RBMS3: variants seen among roughly 807,000 people sequenced by gnomAD.
The protein encoded by RBMS3 is RNA binding motif single stranded interacting protein 3, also known as RNA-binding motif, single-stranded-interacting protein 3.
In RBMS3, 27 loss-of-function variants were observed where a neutral mutation model predicts 66.8. The observed-to-expected ratio is 0.40, with a 90% confidence interval of 0.30 to 0.56. The LOEUF (loss-of-function observed/expected upper bound fraction) is 0.56. Ranked by LOEUF, RBMS3 falls within the 20% of genes least tolerant of loss-of-function variation. RBMS3 has a pLI of 0.40. For missense variants in RBMS3, 513 were observed against 549.5 expected, an observed-to-expected ratio of 0.93 and a Z score of 0.66; for synonymous variants, 188 against 183.0, an observed-to-expected ratio of 1.03 and a Z score of -0.22.
At chr3:29,455,122 G>T (rs1201465434) in intron 2 of RBMS3, among the ~76,000 whole-genome samples, 5 of 152,018 alleles carry the variant, frequency 3.3e-5, no homozygotes, top group African/African-American at 1.2e-4. Flanking sequence ...TCTACATTTT[G>T]TCTCCAATTT....
chr3:29,456,331 T>G (rs1366845870), intron 2 of RBMS3, among the ~76,000 whole-genome samples: 2 of 152,336 alleles, frequency 1.3e-5, no homozygotes, highest in East Asian at 1.9e-4. Flanking sequence ...TAATTTGCTC[T>G]AATACAGAAG....
chr3:29,694,540 A>G, intron 4 of RBMS3, among the ~76,000 whole-genome samples: 1 of 152,208 alleles, frequency 6.6e-6, no homozygotes, highest in Non-Finnish European at 1.5e-5. Context: ...CTTGGGATTC[A>G]CTGTTAGCAA....
At chr3:29,413,316 CT>C (rs1314373885) in intron 1 of RBMS3, among the ~76,000 whole-genome samples, 1 of 152,124 alleles carries the variant, frequency 6.6e-6, no homozygotes, top group Non-Finnish European at 1.5e-5. Flanking sequence ...TTGCAGTGAG[CT>C]GAGATCGTGC....
intron 2 of RBMS3, among the ~76,000 whole-genome samples, chr3:29,456,099 A>G: frequency 6.6e-6 from 1 of 152,244 alleles, no homozygotes; most frequent in Admixed American, 6.5e-5. Context: ...TGTATCGCTA[A>G]TATTTAATAT....
intron 9 of RBMS3, among the ~76,000 whole-genome samples, chr3:29,898,912 G>A (rs2060189200): frequency 1.3e-5 from 2 of 151,568 alleles, no homozygotes; most frequent in Admixed American, 1.3e-4. Flanking sequence ...TTTAACTCTA[G>A]CTCCCTTTTC....
chr3:29,589,175 G>A (rs1180976657), intron 4 of RBMS3, among the ~76,000 whole-genome samples: 1 of 152,036 alleles, frequency 6.6e-6, no homozygotes, highest in South Asian at 2.1e-4. Context: ...TTTTCCCTCA[G>A]TTTCCCAGCA....
intron 13 of RBMS3, 44 bp downstream of exon 13, chr3:29,988,267 C>T: frequency 2.0e-6 from 3 of 1,505,860 alleles, no homozygotes; most frequent in Non-Finnish European, 2.8e-6. Context: ...AGAAATAAAT[C>T]TCAGTCACAT....
chr3:29,591,968 T>C (rs182026845), intron 4 of RBMS3, among the ~76,000 whole-genome samples: 2 of 152,156 alleles, frequency 1.3e-5, no homozygotes, highest in Admixed American at 6.6e-5. Flanking sequence ...TCCCAGAGGA[T>C]GTCAAGTAGC....
chr3:29,696,931 T>A (rs1337315184), intron 4 of RBMS3: 1 of 983,266 alleles, frequency 1.0e-6, no homozygotes, highest in Non-Finnish European at 1.2e-6. Flanking sequence ...TCTCCCCTGG[T>A]CGTTTGGGTT....
chr3:29,789,771 C>A (rs923418816), intron 6 of RBMS3, among the ~76,000 whole-genome samples: 1 of 152,082 alleles, frequency 6.6e-6, no homozygotes, highest in Non-Finnish European at 1.5e-5. Context: ...CATATATGGG[C>A]ATTTTATGAT....
intron 1 of RBMS3, among the ~76,000 whole-genome samples, chr3:29,372,855 G>A (rs1376411812): frequency 2.7e-5 from 4 of 149,086 alleles, no homozygotes; most frequent in Non-Finnish European, 5.9e-5. Context: ...CTGCCTAATA[G>A]CATTATTGTG....
intron 10 of RBMS3, among the ~76,000 whole-genome samples, chr3:29,931,683 T>A (rs2061130254): frequency 6.6e-6 from 1 of 151,874 alleles, no homozygotes; most frequent in Admixed American, 6.6e-5. Flanking sequence ...ATGAAAGAAA[T>A]TAGACATCCC....
chr3:29,335,143 A>G (rs574779157), intron 1 of RBMS3, among the ~76,000 whole-genome samples: 1 of 152,190 alleles, frequency 6.6e-6, no homozygotes, highest in African/African-American at 2.4e-5. Flanking sequence ...AACTGCTACA[A>G]TTAGACTGCA....
At chr3:29,424,844 A>T (rs1285341830) in intron 1 of RBMS3, among the ~76,000 whole-genome samples, 1 of 152,214 alleles carries the variant, frequency 6.6e-6, no homozygotes, top group Non-Finnish European at 1.5e-5. Flanking sequence ...AAAATGGAAA[A>T]TGCCTCATTA....
intron 1 of RBMS3, among the ~76,000 whole-genome samples, chr3:29,365,143 T>C (rs2037827222): frequency 6.6e-6 from 1 of 152,134 alleles, no homozygotes. Context: ...TTTATATGTG[T>C]GGAAATTATT....
chr3:29,844,937 A>T (rs928238220), intron 6 of RBMS3, among the ~76,000 whole-genome samples: 1 of 152,198 alleles, frequency 6.6e-6, no homozygotes, highest in Non-Finnish European at 1.5e-5. Flanking sequence ...GCTCTGCTGC[A>T]CAGTTATTCA....
intron 4 of RBMS3, among the ~76,000 whole-genome samples, chr3:29,627,919 A>T (rs2049131169): frequency 6.6e-6 from 1 of 152,068 alleles, no homozygotes; most frequent in Non-Finnish European, 1.5e-5. Flanking sequence ...GGGTAACTTG[A>T]TTTCTAAGGA....
intron 12 of RBMS3, among the ~76,000 whole-genome samples, chr3:29,948,719 T>C (rs1695483908): frequency 6.6e-6 from 1 of 151,832 alleles, no homozygotes; most frequent in Non-Finnish European, 1.5e-5. Flanking sequence ...ACCGTGCATT[T>C]ATGTTGACTA....
At chr3:29,829,030 CTTTCTTTCTTTCTTT>C in intron 6 of RBMS3, among the ~76,000 whole-genome samples, 1 of 47,194 alleles carries the variant, frequency 2.1e-5, no homozygotes, top group Non-Finnish European at 5.5e-5. Context: ...TTCTTTCTTT[CTTTCTTTCTTTCTTT>C]CTTTTGTTTT....
Sources: allele counts gnomAD v4.1 joint callset (sites outside exome capture counted in the v4.1 genomes callset), GRCh38; gene constraint gnomAD v4.1.1; transcripts MANE v1.5; gene names NCBI Gene and HGNC (gene_info 2026-07-23, HGNC 2026-07-21).